MUC5AC: variants seen among roughly 807,000 people sequenced by gnomAD.
MUC5AC encodes the protein mucin 5AC, oligomeric mucus/gel-forming.
In MUC5AC, 158 loss-of-function variants were observed where a neutral mutation model predicts 169.7. The ratio of observed to expected loss-of-function variants is 0.93; its 90% CI spans 0.82 to 1.06. The LOEUF (loss-of-function observed/expected upper bound fraction) is 1.06. MUC5AC is among the 50% of genes least tolerant of loss of function. The pLI, the probability that MUC5AC is intolerant of heterozygous loss-of-function variation, is 0.00. For synonymous variants in MUC5AC, 1,975 were observed against 1,237.0 expected (o/e 1.60, Z -12.52); for missense variants, 4,359 against 3,089.9 (o/e 1.41, Z -9.74).
Position 1,188,054 on chromosome 11 carries a change from G to T in MUC5AC, c.9909G>T (p.Gln3303His). The change falls in exon 31 of 49, where the codon CAG (glutamine) becomes CAT (histidine). Residue 3303 changes from glutamine to histidine, a missense_variant. Gln to His is a conservative substitution (Grantham distance 24, BLOSUM62 0). Coordinates refer to ENST00000621226, the MANE Select transcript of MUC5AC (RefSeq NM_001304359.2). ...GCCTGGTGTGCCGGAACCAGGACCAGCAGGGACCCTTCAAGATGTGCCTCA... is the reference window on the plus strand; with the variant it reads ...GCCTGGTGTGCCGGAACCAGGACCATCAGGGACCCTTCAAGATGTGCCTCA... ...EEGLVCRNQDQQGPFKMCLNY... is the reference protein window; with the variant it reads ...EEGLVCRNQDHQGPFKMCLNY... 1 of 751,358 alleles carries T rather than the reference G, an allele frequency of 1.3e-6. No homozygotes were observed. The highest frequency in any genetic ancestry group is 1.7e-5 in the Admixed American group (1 of 57,448). 46.5% of individuals were successfully genotyped at this position (751,358 alleles called of 1,614,324 possible).
rs756318906 is a variant in MUC5AC at position 1,168,723 on chromosome 11, T to C, written c.1649T>C (p.Val550Ala). ...GGCCTGCAGCTGAACCTGCAGCTGG[T>C]GCCCACCATGCAGCTGTTCATGCAG... ...SLGLQLNLQL[V>A]PTMQLFMQLA... The change falls in exon 14 of 49, where the codon GTG becomes GCG. Residue 550 changes from valine to alanine, a missense_variant. Val to Ala is a moderately conservative substitution (Grantham distance 64). Transcript: ENST00000621226. 13 of 1,610,298 alleles carry C rather than the reference T, an allele frequency of 8.1e-6. No individual in the cohort carries two copies. In the African/African-American group the frequency reaches 1.7e-4, roughly 21 times the overall value.
At position 1,179,130 on chromosome 11, in the gene MUC5AC, C is replaced by G; in HGVS notation, c.3366C>G (p.Asp1122Glu). Residue 1122 changes from aspartate (D) to glutamate (E), a missense_variant, in exon 26 of 49, where the codon GAC (aspartate) becomes GAG (glutamate). By Grantham distance (45) the Asp-to-Glu change is conservative (BLOSUM62 2). Coordinates refer to ENST00000621226, the MANE Select transcript of MUC5AC (RefSeq NM_001304359.2). ...GGTACTACGAGGCCTGCGTGAACGA[C>G]GCGTGCGCCTGCGACTCCGGGGGTG... ...PARYYEACVN[D>E]ACACDSGGDC... 3 of 654,186 alleles carry G rather than the reference C, an allele frequency of 4.6e-6. No homozygotes were observed. Among genetic ancestry groups the G allele is most frequent in the Non-Finnish European group, 8.3e-6 (3 of 360,388 alleles). The allele number at this position is 654,186 out of a possible 1,614,324, so 40.5% of individuals were successfully genotyped here.
chr11:1,170,922 C>T (rs1860495035), intron 15 of MUC5AC, among the ~76,000 whole-genome samples: 6 of 137,486 alleles, frequency 4.4e-5, no homozygotes, highest in Non-Finnish European at 3.1e-5. Flanking sequence ...ACCTCACTCA[C>T]TCACCCACTC....
rs1272133219 is a variant in MUC5AC, at chr11:1,197,572, C to T, written c.15966C>T (p.Pro5322=). The T allele has an allele frequency of 9.7e-6, 7 of 718,800 alleles. No individual in the cohort carries two copies. Among genetic ancestry groups the T allele is most frequent in the Non-Finnish European group, 1.8e-5 (7 of 395,446 alleles). The allele number at this position is 718,800 out of a possible 1,614,324, so 44.5% of individuals were successfully genotyped here. The change falls in exon 41 of 49, where the codon CCC becomes CCT. Residue 5322 remains proline (P), a synonymous_variant. Transcript: ENST00000621226. The part of the protein sequence containing the change: ...PKLCPLPPAC[P]LPGFVPVPAA... Reference sequence around the variant, plus strand: ...TCTGCCCGCTGCCCCCTGCCTGCCCCCTGCCCGGCTTCGTGCCTGTGCCTG... The same window carrying T: ...TCTGCCCGCTGCCCCCTGCCTGCCCTCTGCCCGGCTTCGTGCCTGTGCCTG...
In MUC5AC at chr11:1,186,676, C is replaced by A; in HGVS notation, c.8531C>A (p.Thr2844Lys). ...TCAAGCCCTGTTCCCACCACCAGCA[C>A]AACCTCTGCCCCTACAACCAGCACA... ...TTSSPVPTTSTTSAPTTSTTS... is the reference protein window; with the variant it reads ...TTSSPVPTTSKTSAPTTSTTS... Residue 2844 changes from threonine (T) to lysine (K), a missense_variant, in exon 31 of 49, where the codon ACA becomes AAA. Thr to Lys is a moderately conservative substitution (Grantham distance 78). Coordinates refer to ENST00000621226, the MANE Select transcript of MUC5AC (RefSeq NM_001304359.2). 3 of 741,466 alleles carry A rather than the reference C, an allele frequency of 4.0e-6. No individual in the cohort carries two copies. Among genetic ancestry groups the A allele is most frequent in the East Asian group, 2.5e-5 (1 of 40,224 alleles). The allele number at this position is 741,466 out of a possible 1,614,324, so 45.9% of individuals were successfully genotyped here.
In MUC5AC at chr11:1,176,247, C is replaced by T; in HGVS notation, c.2498C>T (p.Thr833Ile). Residue 833 changes from threonine to isoleucine, a missense_variant, in exon 20 of 49, where the codon ACC becomes ATC. Transcript: ENST00000621226. ...CQKSCHTLDM[T>I]CYSPQCVPGC... ...AAGAGCTGCCACACACTGGACATGA[C>T]CTGTGTAAGTCCCTGAGGACTCCCC... is the stretch of plus-strand genomic sequence containing the variant. 2.5e-6 allele frequency: 1 copy of T among 398,704 alleles called. No homozygotes were observed. The highest frequency in any genetic ancestry group is 4.4e-6 in the Non-Finnish European group (1 of 226,098). The allele number at this position is 398,704 out of a possible 1,614,324, so 24.7% of individuals were successfully genotyped here.
In MUC5AC at chr11:1,200,794, C is replaced by A; in HGVS notation, c.*92C>A. 7.6e-6 allele frequency: 5 copies of A among 661,238 alleles called. No homozygotes were observed. In the Admixed American group the frequency reaches 1.1e-4, roughly 15 times the overall value. The allele number at this position is 661,238 out of a possible 1,614,324, so 41.0% of individuals were successfully genotyped here. A position where few individuals can be genotyped will look rare whatever the true frequency, so the allele number is the denominator to read the frequency against. ...GGCCAGTGGAACTTGTGCCCCTGTCCAGGCGGCTGCAGCTTTGAACACACT... is the reference window on the plus strand; with the variant it reads ...GGCCAGTGGAACTTGTGCCCCTGTCAAGGCGGCTGCAGCTTTGAACACACT... On this transcript the variant is annotated 3_prime_UTR_variant, in exon 49 of 49. Transcript: ENST00000621226.
chr11:1,176,795 A>C (rs982962701), intron 21 of MUC5AC, 130 bp downstream of exon 21: 6 of 398,364 alleles, frequency 1.5e-5, no homozygotes, highest in Non-Finnish European at 2.2e-5. Context: ...GCTGGACGCC[A>C]CCAGCAGCCC....
intron 16 of MUC5AC, among the ~76,000 whole-genome samples, chr11:1,172,969 TCCACTCACCCACCCATTCACCCAC>T: frequency 1.9e-5 from 1 of 52,388 alleles, no homozygotes. Context: ...CACTCACTCA[TCCACTCACCCACCCATTCACCCAC>T]TCACTCACCC....
Position 1,201,061 on chromosome 11 carries a change from T to G in MUC5AC, c.*359T>G. 2 of 209,028 alleles carry G rather than the reference T, an allele frequency of 9.6e-6. No homozygotes were observed. The highest frequency in any genetic ancestry group is 9.6e-6 in the Non-Finnish European group (1 of 104,696). 12.9% of individuals were successfully genotyped at this position (209,028 alleles called of 1,614,324 possible). A position where few individuals can be genotyped will look rare whatever the true frequency, so the allele number is the denominator to read the frequency against. On this transcript the variant is annotated 3_prime_UTR_variant, in exon 49 of 49. Transcript: ENST00000621226. ...GCTGCAGGAGGAAGAACCTCACTCCTACCTCAGCCCTCAGCCTGCGCTCCC... is the reference window on the plus strand; with the variant it reads ...GCTGCAGGAGGAAGAACCTCACTCCGACCTCAGCCCTCAGCCTGCGCTCCC...
rs1208589656 is a variant in MUC5AC, at chr11:1,182,299, A to G, written c.4154A>G (p.Glu1385Gly). 1.3e-5 allele frequency: 5 copies of G among 398,422 alleles called. No individual in the cohort carries two copies. The highest frequency in any genetic ancestry group is 2.2e-5 in the Non-Finnish European group (5 of 225,996). 24.7% of individuals were successfully genotyped at this position (398,422 alleles called of 1,614,324 possible). A position where few individuals can be genotyped will look rare whatever the true frequency, so the allele number is the denominator to read the frequency against. The part of the protein sequence containing the change: ...ASASLPPVCG[E>G]KCLWSPWMDV... ...GCCTCACTGCCGCCGGTCTGTGGGG[A>G]AAAGTGCCTGTGGTCGCCATGGATG... is the stretch of plus-strand genomic sequence containing the variant. Residue 1385 changes from glutamate (E) to glycine (G), a missense_variant, in exon 31 of 49, where the codon GAA (glutamate) becomes GGA (glycine). Transcript: ENST00000621226.
At chr11:1,198,373 G>C (rs1306904822) in intron 43 of MUC5AC, 68 bp downstream of exon 43, 12 of 703,662 alleles carry the variant, frequency 1.7e-5, no homozygotes, top group Non-Finnish European at 2.9e-5. Context: ...CTGAGGCCCA[G>C]GTAGACTTTG....
chr11:1,192,565 C>T, intron 31 of MUC5AC, 40 bp downstream of exon 31: 1 of 754,414 alleles, frequency 1.3e-6, no homozygotes, highest in South Asian at 1.4e-5. Context: ...CTGAGCTCAC[C>T]CTGGTCAGTT....
At chr11:1,198,616 C>A (rs745323742) in intron 43 of MUC5AC, among the ~76,000 whole-genome samples, 4 of 152,120 alleles carry the variant, frequency 2.6e-5, no homozygotes, top group Non-Finnish European at 5.9e-5. Flanking sequence ...TGTGGCCCTG[C>A]AGAGTGTGTG....
rs1860808963 is a variant in MUC5AC, at chr11:1,181,264, C to T, written c.3821-7C>T. The T allele has an allele frequency of 1.0e-5, 4 of 398,388 alleles. No homozygotes were observed. Among genetic ancestry groups the T allele is most frequent in the Non-Finnish European group, 1.8e-5 (4 of 225,976 alleles). The allele number at this position is 398,388 out of a possible 1,614,324, so 24.7% of individuals were successfully genotyped here. Reference sequence around the variant, plus strand: ...CTCTGACGGGCCTGGGCCCTCCGTCCCCATAGCCTGTGTCTGCACCTACAA... The same window carrying T: ...CTCTGACGGGCCTGGGCCCTCCGTCTCCATAGCCTGTGTCTGCACCTACAA... On this transcript the variant is annotated splice_region_variant and splice_polypyrimidine_tract_variant and intron_variant, in intron 29 of 48. Coordinates refer to ENST00000621226, the MANE Select transcript of MUC5AC (RefSeq NM_001304359.2).
intron 5 of MUC5AC, 46 bp from the exon 6 acceptor site, chr11:1,162,909 A>T: frequency 6.5e-7 from 1 of 1,547,436 alleles, no homozygotes; most frequent in South Asian, 1.1e-5. Flanking sequence ...TCATCTGTCC[A>T]TCTGCCCCTG....
intron 4 of MUC5AC, 107 bp from the exon 5 acceptor site, chr11:1,162,425 C>T: frequency 2.6e-6 from 3 of 1,134,310 alleles, no homozygotes; most frequent in Non-Finnish European, 3.8e-6. Flanking sequence ...CCAGACGCGA[C>T]TTCACGGTCA....
rs1132436 is a variant in MUC5AC, at chr11:1,199,741, C to T, written c.16562C>T (p.Pro5521Leu). 0.57 allele frequency: 404,241 copies of T among 711,106 alleles called. 117,539 individuals carry two copies. Among genetic ancestry groups the T allele is most frequent in the East Asian group, 0.65 (24,470 of 37,646 alleles). 44.0% of individuals were successfully genotyped at this position (711,106 alleles called of 1,614,324 possible). ...GACGGCTGCTGCCGCTTCTGCCCGC[C>T]GCCCCCGCCCCCGTACCAGAACCGT... is the stretch of plus-strand genomic sequence containing the variant. ...SKDGCCRFCPPPPPPYQNQST... is the reference protein window; with the variant it reads ...SKDGCCRFCPLPPPPYQNQST... Residue 5521 changes from proline to leucine, a missense_variant, in exon 47 of 49, where the codon CCG becomes CTG. By Grantham distance (98) the Pro-to-Leu change is moderately conservative. Transcript: ENST00000621226.
chr11:1,164,070 AC>A, intron 7 of MUC5AC, 35 bp from the exon 8 acceptor site: 1 of 1,610,460 alleles, frequency 6.2e-7, no homozygotes, highest in Non-Finnish European at 8.5e-7. Context: ...CAGATCCCCC[AC>A]CGAGGACTCA....
Sources: allele counts gnomAD v4.1 joint callset (sites outside exome capture counted in the v4.1 genomes callset), GRCh38; gene constraint gnomAD v4.1.1; transcripts MANE v1.5; gene names NCBI Gene and HGNC (gene_info 2026-07-23, HGNC 2026-07-21).